WFDC10B: variants seen among roughly 807,000 people sequenced by gnomAD.
WFDC10B encodes WAP four-disulfide core domain 10B, also known as protein WFDC10B.
A neutral mutation model predicts 2.7 loss-of-function variants in WFDC10B; 1 was observed. The observed-to-expected ratio is 0.38, with a 90% CI of 0.13 to 1.79. The LOEUF is 1.79. Among genes scored for constraint, WFDC10B ranks in the 40% most tolerant of loss-of-function variants. The probability of loss-of-function intolerance (pLI) is 0.33; values close to 1 mark genes in which losing one functional copy is unlikely to be tolerated. For missense variants in WFDC10B, 71 were observed against 87.8 expected (o/e 0.81, Z 0.76); for synonymous variants, 26 against 32.2 (o/e 0.81, Z 0.65).
chr20:45,699,833 C>T (rs949955324), intron 2 of WFDC10B, among the ~76,000 whole-genome samples: 2 of 152,172 alleles, frequency 1.3e-5, no homozygotes, highest in Non-Finnish European at 2.9e-5. Context: ...CATGTGCCAC[C>T]ACGCCCATCT....
At chr20:45,700,889 A>G (rs1362735038) in intron 2 of WFDC10B, among the ~76,000 whole-genome samples, 1 of 152,248 alleles carries the variant, frequency 6.6e-6, no homozygotes, top group Non-Finnish European at 1.5e-5. Context: ...TGCCTATGAT[A>G]AACACTGAAG....
chr20:45,687,275 G>C (rs1296313076), intron 2 of WFDC10B, among the ~76,000 whole-genome samples: 2 of 152,150 alleles, frequency 1.3e-5, no homozygotes, highest in Non-Finnish European at 2.9e-5. Context: ...TTGGTTTTCT[G>C]TTCCTCCATT....
At chr20:45,701,333 TG>T (rs1312466293) in intron 2 of WFDC10B, among the ~76,000 whole-genome samples, 1 of 152,182 alleles carries the variant, frequency 6.6e-6, no homozygotes, top group African/African-American at 2.4e-5. Context: ...CAATGTTTAT[TG>T]GTTTCAGTGA....
At chr20:45,690,784 C>A (rs916764853) in intron 2 of WFDC10B, among the ~76,000 whole-genome samples, 2 of 151,958 alleles carry the variant, frequency 1.3e-5, no homozygotes, top group Non-Finnish European at 2.9e-5. Context: ...TTCAAAAAAC[C>A]AGCTCCTAGA....
At chr20:45,686,831 T>C (rs889122909) in intron 2 of WFDC10B, among the ~76,000 whole-genome samples, 2 of 152,068 alleles carry the variant, frequency 1.3e-5, no homozygotes, top group Non-Finnish European at 2.9e-5. Flanking sequence ...CAGATAATTG[T>C]TGTATTTTTA....
At chr20:45,692,731 T>C (rs1312101574) in intron 2 of WFDC10B, among the ~76,000 whole-genome samples, 4 of 152,128 alleles carry the variant, frequency 2.6e-5, no homozygotes, top group Non-Finnish European at 4.4e-5. Context: ...TATACATTCG[T>C]CTAAATTTTT....
At chr20:45,704,358 T>TCCTGGCAGTTC (rs1008068827) in intron 2 of WFDC10B, 139 bp downstream of exon 2, 44 of 1,519,014 alleles carry the variant, frequency 2.9e-5, no homozygotes, top group African/African-American at 4.2e-5. Context: ...GTGGCAGGTT[T>TCCTGGCAGTTC]CCTGGCAGTT....
intron 2 of WFDC10B, among the ~76,000 whole-genome samples, chr20:45,696,990 T>TA (rs917923706): frequency 1.3e-5 from 2 of 152,230 alleles, no homozygotes; most frequent in Non-Finnish European, 2.9e-5. Context: ...AAGGTACCTA[T>TA]AAAAAACTAT....
rs561052467 is a variant in WFDC10B at position 45,704,649 on chromosome 20, C to T, written c.-129-88G>A. 4.7e-5 allele frequency: 75 copies of T among 1,591,656 alleles called. 1 individual carries two copies. In the South Asian group the frequency reaches 8.6e-4, roughly 18 times the overall value. On this transcript the variant is annotated intron_variant, in intron 1 of 3. Transcript: ENST00000330523. ...CCTAGAGCTGCTGGTGGGAGCCCAGCAGAAGAGTCCCTTACCAGCAACTGT... is the reference window on the plus strand; with the variant it reads ...CCTAGAGCTGCTGGTGGGAGCCCAGTAGAAGAGTCCCTTACCAGCAACTGT...
chr20:45,701,771 A>G, intron 2 of WFDC10B, among the ~76,000 whole-genome samples: 1 of 152,034 alleles, frequency 6.6e-6, no homozygotes, highest in Non-Finnish European at 1.5e-5. Flanking sequence ...TCTCAAAAAA[A>G]AAAAAAAAAA....
At chr20:45,695,999 G>C (rs4812955) in intron 2 of WFDC10B, among the ~76,000 whole-genome samples, 23,102 of 151,252 alleles carry the variant, frequency 0.15, 2,011 homozygotes, top group East Asian at 0.33. Context: ...CATTAAAAAA[G>C]AGCACGGCCA....
intron 2 of WFDC10B, among the ~76,000 whole-genome samples, chr20:45,695,376 A>G (rs1022826388): frequency 4.6e-5 from 7 of 152,190 alleles, no homozygotes; most frequent in Non-Finnish European, 8.8e-5. Context: ...TGAATAGAAC[A>G]TGTAGACAGA....
chr20:45,702,444 T>C (rs1280826542), intron 2 of WFDC10B, among the ~76,000 whole-genome samples: 1 of 152,216 alleles, frequency 6.6e-6, no homozygotes, highest in African/African-American at 2.4e-5. Flanking sequence ...GGAGAACAGA[T>C]AATGCATGCA....
At chr20:45,690,594 T>A (rs1983780168) in intron 2 of WFDC10B, among the ~76,000 whole-genome samples, 2 of 152,230 alleles carry the variant, frequency 1.3e-5, no homozygotes, top group Admixed American at 1.3e-4. Context: ...GAGGAATTTA[T>A]CCATTTCTTC....
At chr20:45,687,780 C>A (rs1013570133) in intron 2 of WFDC10B, among the ~76,000 whole-genome samples, 1 of 151,768 alleles carries the variant, frequency 6.6e-6, no homozygotes, top group Admixed American at 6.6e-5. Context: ...TCATGTTTAT[C>A]GGCTGCATAT....
At chr20:45,704,343 T>G in intron 2 of WFDC10B, 154 bp downstream of exon 2, 148 of 1,470,036 alleles carry the variant, frequency 1.0e-4, no homozygotes, top group Non-Finnish European at 1.2e-4. Context: ...GCAAGGCAGA[T>G]GAGGGTGGCA....
intron 2 of WFDC10B, among the ~76,000 whole-genome samples, chr20:45,687,664 A>G (rs1293622288): frequency 6.6e-6 from 1 of 152,082 alleles, no homozygotes; most frequent in East Asian, 1.9e-4. Flanking sequence ...CACAACCTCA[A>G]CAGCATCTGT....
At chr20:45,689,488 C>T (rs899946677) in intron 2 of WFDC10B, among the ~76,000 whole-genome samples, 1 of 152,094 alleles carries the variant, frequency 6.6e-6, no homozygotes, top group Non-Finnish European at 1.5e-5. Flanking sequence ...GAATGTTCTT[C>T]CATTTGTTTG....
chr20:45,701,116 T>C (rs529773500), intron 2 of WFDC10B, among the ~76,000 whole-genome samples: 4 of 152,350 alleles, frequency 2.6e-5, no homozygotes, highest in South Asian at 2.1e-4. Flanking sequence ...TGCTGTTTAG[T>C]AGCCCAGTTG....
Sources: allele counts gnomAD v4.1 joint callset (sites outside exome capture counted in the v4.1 genomes callset), GRCh38; gene constraint gnomAD v4.1.1; transcripts MANE v1.5; gene names NCBI Gene and HGNC (gene_info 2026-07-23, HGNC 2026-07-21).